Variants in CCT2 observed in about 807,000 individuals in gnomAD.
CCT2 encodes the protein T-complex protein 1 subunit beta.
A neutral mutation model predicts 61.8 loss-of-function variants in CCT2; 18 were observed. The observed-to-expected ratio is 0.29, with a 90% confidence interval of 0.20 to 0.43. The LOEUF (loss-of-function observed/expected upper bound fraction) is 0.43. Ranked by LOEUF, CCT2 falls within the 20% of genes least tolerant of loss-of-function variation. The probability of loss-of-function intolerance (pLI) is 1.00; values close to 1 mark genes in which losing one functional copy is unlikely to be tolerated. For synonymous variants in CCT2, 248 were observed against 215.9 expected (o/e 1.15, Z -1.30); for missense variants, 556 against 656.9 (o/e 0.85, Z 1.68).
chr12:69,601,378 G>T lies in CCT2; in HGVS notation c.*53G>T. 6.2e-7 allele frequency: 1 copy of T among 1,613,890 alleles called. No homozygotes were observed. The highest frequency in any genetic ancestry group is 1.1e-5 in the South Asian group (1 of 91,046). Reference sequence around the variant, plus strand: ...ACCAGTTTCTAGCAAAGTTGTGTTTGAAAGATACTCTATTAAAGAAGACTG... The same window carrying T: ...ACCAGTTTCTAGCAAAGTTGTGTTTTAAAGATACTCTATTAAAGAAGACTG... On this transcript the variant is annotated 3_prime_UTR_variant, in exon 16 of 16. Transcript: ENST00000299300.
intron 10 of CCT2, among the ~76,000 whole-genome samples, chr12:69,594,388 T>TCAGA (rs1215039737): frequency 6.6e-6 from 1 of 152,224 alleles, no homozygotes; most frequent in Non-Finnish European, 1.5e-5. Context: ...TTGCTTTTGT[T>TCAGA]AATTTTAAAA....
rs11177735 is a variant in CCT2, at chr12:69,589,735, C to A, written c.649+48C>A. ...AGAAGCTTTGATTAGATGCTGAGGG[C>A]TGAATACTGAGTGAATTCTGTTTTG... On this transcript the variant is annotated intron_variant, in intron 7 of 15. Transcript: ENST00000299300. 7.5e-3 allele frequency: 10,581 copies of A among 1,410,532 alleles called. 577 individuals are homozygous for A. In the African/African-American group the frequency reaches 0.13, roughly 17 times the overall value. The allele number at this position is 1,410,532 out of a possible 1,614,324, so 87.4% of individuals were successfully genotyped here. A position where few individuals can be genotyped will look rare whatever the true frequency, so the allele number is the denominator to read the frequency against.
rs200143097 is a variant in CCT2 at position 69,586,769 on chromosome 12, C to G, written c.95C>G (p.Ala32Gly). The change falls in exon 3 of 16, where the codon GCC becomes GGC. Residue 32 changes from alanine to glycine, a missense_variant. Coordinates refer to ENST00000299300, the MANE Select transcript of CCT2 (RefSeq NM_006431.3). ...TTACTCCAGACTTCTTTTATTGGTG[C>G]CATCGCCATTGGAGACTTGGTAAAG... ...ETARLTSFIG[A>G]IAIGDLVKST... 1.9e-6 allele frequency: 3 copies of G among 1,599,968 alleles called. No individual in the cohort carries two copies. In the East Asian group the frequency reaches 6.7e-5, roughly 36 times the overall value.
chr12:69,585,476 C>G lies in CCT2; in HGVS notation c.-46C>G, dbSNP rs759951747. The G allele has an allele frequency of 6.4e-7, 1 of 1,555,598 alleles. No individual in the cohort carries two copies. ...CTTCCTTCAGTCCGCTGGTCCCGAGCACGAGCTGTGAGGGGATTCACTTGT... is the reference window on the plus strand; with the variant it reads ...CTTCCTTCAGTCCGCTGGTCCCGAGGACGAGCTGTGAGGGGATTCACTTGT... On this transcript the variant is annotated 5_prime_UTR_variant, in exon 1 of 16. Transcript: ENST00000299300.
At chr12:69,598,592 C>T (rs1882060819) in intron 14 of CCT2, among the ~76,000 whole-genome samples, 171 bp downstream of exon 14, 1 of 152,172 alleles carries the variant, frequency 6.6e-6, no homozygotes, top group Non-Finnish European at 1.5e-5. Flanking sequence ...TTTATATGCT[C>T]AGCATTTCCC....
chr12:69,593,012 A>G lies in CCT2; in HGVS notation c.787A>G (p.Lys263Glu), dbSNP rs1221753965. 1.2e-6 allele frequency: 2 copies of G among 1,613,698 alleles called. No individual in the cohort carries two copies. The highest frequency in any genetic ancestry group is 1.7e-5 in the Admixed American group (1 of 60,014). The stretch of plus-strand genomic sequence containing the variant: ...CCGGGTAAGAGTTGACTCTACAGCA[A>G]AGGTTGCAGAAATAGAACATGCGGA... ...GSRVRVDSTA[K>E]VAEIEHAEKE... The change falls in exon 9 of 16, where the codon AAG becomes GAG. Residue 263 changes from lysine (K) to glutamate (E), a missense_variant. Lys to Glu is a moderately conservative substitution (Grantham distance 56). Around this residue, in one of 3 missense-constraint regions of CCT2, gnomAD observed 308 missense variants for 350.6 expected, o/e 0.88. Coordinates refer to ENST00000299300, the MANE Select transcript of CCT2 (RefSeq NM_006431.3).
chr12:69,588,694 G>A (rs1481876891), intron 6 of CCT2, among the ~76,000 whole-genome samples: 2 of 152,090 alleles, frequency 1.3e-5, no homozygotes, highest in Non-Finnish European at 2.9e-5. Context: ...GTGACGTTGC[G>A]ACATAGCCCA....
chr12:69,590,353 TAAAA>T (rs1224751692), intron 7 of CCT2, among the ~76,000 whole-genome samples: 1 of 151,994 alleles, frequency 6.6e-6, no homozygotes, highest in African/African-American at 2.4e-5. Context: ...AGAAAAGAAT[TAAAA>T]AAAATTTCTT....
At chr12:69,592,618 A>G (rs1160215944) in intron 8 of CCT2, 2 of 201,408 alleles carry the variant, frequency 9.9e-6, no homozygotes, top group East Asian at 1.3e-4. Context: ...GAAATATGCT[A>G]TGGGACTCTT....
rs550104627 is a variant in CCT2, at chr12:69,585,698, C to T, written c.3+174C>T. The stretch of plus-strand genomic sequence containing the variant: ...GCCTGCGCCAGGCCAGCCGGTGGAG[C>T]TCACCACGAGGGGGAGGGGTGGACC... On this transcript the variant is annotated intron_variant, in intron 1 of 15. Coordinates refer to ENST00000299300, the MANE Select transcript of CCT2 (RefSeq NM_006431.3). 39 of 1,499,886 alleles carry T rather than the reference C, an allele frequency of 2.6e-5. No homozygotes were observed. In the South Asian group the frequency reaches 4.5e-4, roughly 17 times the overall value. 92.9% of individuals were successfully genotyped at this position (1,499,886 alleles called of 1,614,324 possible). A position where few individuals can be genotyped will look rare whatever the true frequency, so the allele number is the denominator to read the frequency against.
chr12:69,595,650 C>T (rs1881964910), intron 10 of CCT2, among the ~76,000 whole-genome samples: 1 of 139,002 alleles, frequency 7.2e-6, no homozygotes, highest in Non-Finnish European at 1.5e-5. Context: ...ATTGGCGCCA[C>T]TGCACTCCAG....
intron 9 of CCT2, 34 bp downstream of exon 9, chr12:69,593,137 C>A: frequency 6.3e-7 from 1 of 1,579,304 alleles, no homozygotes; most frequent in South Asian, 1.1e-5. Flanking sequence ...GATTTTTTTC[C>A]ATGAAAGTTT....
At chr12:69,585,606 G>T in intron 1 of CCT2, 82 bp downstream of exon 1, 1 of 1,549,678 alleles carries the variant, frequency 6.5e-7, no homozygotes, top group Non-Finnish European at 8.7e-7. Flanking sequence ...GTCCTGCTAG[G>T]GTCGTAGGCT....
At position 69,585,486 on chromosome 12, in the gene CCT2, G is replaced by C; in HGVS notation, c.-36G>C. The C allele has an allele frequency of 1.3e-6, 2 of 1,559,430 alleles. No homozygotes were observed. The highest frequency in any genetic ancestry group is 1.2e-5 in the South Asian group (1 of 84,662). ...TCCGCTGGTCCCGAGCACGAGCTGT[G>C]AGGGGATTCACTTGTGTGCGGAACT... On this transcript the variant is annotated 5_prime_UTR_variant, in exon 1 of 16. Coordinates refer to ENST00000299300, the MANE Select transcript of CCT2 (RefSeq NM_006431.3).
In CCT2 at chr12:69,593,015, G is replaced by A; in HGVS notation, c.790G>A (p.Val264Ile). ...SRVRVDSTAK[V>I]AEIEHAEKEK... ...GGTAAGAGTTGACTCTACAGCAAAG[G>A]TTGCAGAAATAGAACATGCGGAAAA... The change falls in exon 9 of 16, where the codon GTT becomes ATT. Residue 264 changes from valine to isoleucine, a missense_variant. Val to Ile is a conservative substitution (Grantham distance 29, BLOSUM62 3). Transcript: ENST00000299300. 6.2e-7 allele frequency: 1 copy of A among 1,613,646 alleles called. No individual in the cohort carries two copies. The highest frequency in any genetic ancestry group is 8.5e-7 in the Non-Finnish European group (1 of 1,179,624).
chr12:69,589,331 A>G (rs994408727), intron 6 of CCT2, 154 bp from the exon 7 acceptor site: 5 of 616,840 alleles, frequency 8.1e-6, no homozygotes, highest in African/African-American at 3.7e-5. Flanking sequence ...AACATCTTTA[A>G]TTTGTGTTTC....
intron 6 of CCT2, 95 bp downstream of exon 6, chr12:69,588,357 A>G (rs1270332083): frequency 1.5e-5 from 13 of 856,940 alleles, no homozygotes; most frequent in Non-Finnish European, 2.4e-5. Flanking sequence ...AAGCATACAC[A>G]AAGATCATCT....
At chr12:69,601,254 C>T in intron 15 of CCT2, 41 bp from the exon 16 acceptor site, 1 of 1,495,136 alleles carries the variant, frequency 6.7e-7, no homozygotes. Flanking sequence ...TAAAATCATG[C>T]TCTTCATTTT....
chr12:69,585,545 TCTTGCCCTACCCCTG>T, intron 1 of CCT2, 21 bp downstream of exon 1: 1 of 1,571,000 alleles, frequency 6.4e-7, no homozygotes, highest in Non-Finnish European at 8.6e-7. Context: ...CTCCCCTGCC[TCTTGCCCTACCCCTG>T]CTCCGCCGTG....
Sources: allele counts gnomAD v4.1 joint callset (sites outside exome capture counted in the v4.1 genomes callset), GRCh38; gene constraint gnomAD v4.1.1; regional missense constraint gnomAD v4.1.1; transcripts MANE v1.5; gene names NCBI Gene and HGNC (gene_info 2026-07-23, HGNC 2026-07-21).